BCR: variants seen among roughly 807,000 people sequenced by gnomAD.
BCR encodes the protein BCR activator of RhoGEF and GTPase.
BCR carries 58 observed loss-of-function variants against 138.6 expected under a neutral mutation model. That is an observed-to-expected ratio of 0.42 (90% CI 0.34 to 0.52). The LOEUF (loss-of-function observed/expected upper bound fraction) is 0.52, where lower values mean the gene tolerates loss of function less well. Among genes scored for constraint, BCR ranks in the 20% least tolerant of loss-of-function variants. The pLI is 0.06. For synonymous variants in BCR, 786 were observed against 730.1 expected, an observed-to-expected ratio of 1.08 and a Z score of -1.23; for missense variants, 1,599 against 1,727.2, an observed-to-expected ratio of 0.93 and a Z score of 1.32.
In BCR at chr22:23,285,193, A is replaced by G. The variant is rs766833739; in HGVS notation, c.2398A>G (p.Arg800Gly). 2 of 1,612,340 alleles carry G rather than the reference A, an allele frequency of 1.2e-6. No homozygotes were observed. Among genetic ancestry groups the G allele is most frequent in the Admixed American group, 3.3e-5 (2 of 59,880 alleles). Residue 800 changes from arginine (R) to glycine (G), a missense_variant, in exon 10 of 23, where the codon AGA becomes GGA. This residue lies in a region of BCR where 590 missense variants were observed against 762.4 expected (regional missense o/e 0.77). Transcript: ENST00000305877. Reference protein sequence around the residue: ...KISQIKNDIQREKRANKGSKA... With the variant: ...KISQIKNDIQGEKRANKGSKA... ...CTCCCAGATCAAGAATGACATCCAG[A>G]GAGAGAAGGTGCACACCAGGGGAGC...
chr22:23,289,431 G>T lies in BCR; in HGVS notation c.2603-86G>T, dbSNP rs189069567. 76 of 1,152,912 alleles carry T rather than the reference G, an allele frequency of 6.6e-5. No homozygotes were observed. In the East Asian group the frequency reaches 1.6e-3, roughly 24 times the overall value. The allele number at this position is 1,152,912 out of a possible 1,614,324, so 71.4% of individuals were successfully genotyped here. A position where few individuals can be genotyped will look rare whatever the true frequency, so the allele number is the denominator to read the frequency against. On this transcript the variant is annotated intron_variant, in intron 12 of 22. Coordinates refer to ENST00000305877, the MANE Select transcript of BCR (RefSeq NM_004327.4). ...CAGTTCTTGCCGTGCCCCTTCCCCA[G>T]GGTGTGTGGTGGAGGTCCAGTGGGA... is the stretch of plus-strand genomic sequence containing the variant.
At chr22:23,187,485 T>TTCTC (rs112466422) in intron 1 of BCR, among the ~76,000 whole-genome samples, 55 of 145,644 alleles carry the variant, frequency 3.8e-4, no homozygotes, top group African/African-American at 1.4e-3. Context: ...CTCCTTCTCT[T>TTCTC]TCTCTCTCTC....
At chr22:23,229,841 G>A (rs2072935256) in intron 1 of BCR, among the ~76,000 whole-genome samples, 1 of 152,172 alleles carries the variant, frequency 6.6e-6, no homozygotes, top group Admixed American at 6.5e-5. Context: ...AAGGGGGCAG[G>A]GGCTTCACCT....
chr22:23,284,892 G>A, intron 9 of BCR, 141 bp from the exon 10 acceptor site: 1 of 909,354 alleles, frequency 1.1e-6, no homozygotes, highest in Non-Finnish European at 1.7e-6. Flanking sequence ...ATCCCAGTCT[G>A]TCCCATGGAA....
chr22:23,185,557 C>A (rs911971444), intron 1 of BCR, among the ~76,000 whole-genome samples: 1 of 151,208 alleles, frequency 6.6e-6, no homozygotes, highest in Non-Finnish European at 1.5e-5. Context: ...CCCAGCTACT[C>A]GGGAGGCTGA....
At chr22:23,234,882 G>A (rs2073005329) in intron 1 of BCR, among the ~76,000 whole-genome samples, 1 of 143,884 alleles carries the variant, frequency 7.0e-6, no homozygotes, top group Non-Finnish European at 1.6e-5. Flanking sequence ...GCCACCCGGA[G>A]CCTACAGGAA....
At chr22:23,245,382 G>T (rs1040378372) in intron 1 of BCR, among the ~76,000 whole-genome samples, 2 of 152,058 alleles carry the variant, frequency 1.3e-5, no homozygotes, top group Non-Finnish European at 2.9e-5. Context: ...GGGCAGCTGC[G>T]GCTTTCCATT....
In BCR at chr22:23,315,038, T is replaced by C. The variant is rs556751371; in HGVS notation, c.3726+324T>C. Among the ~76,000 whole-genome samples the C allele has an allele frequency of 8.0e-4, 122 of 152,326 alleles. 1 individual carries two copies. The highest frequency in any genetic ancestry group is 6.4e-3 in the South Asian group (31 of 4,822). On this transcript the variant is annotated intron_variant, in intron 22 of 22. Transcript: ENST00000305877. ...GTGTTTGAAACCAGTCTGGGCAATG[T>C]GGCAAACCCCATCTCTAGAAAAAAT...
intron 8 of BCR, among the ~76,000 whole-genome samples, chr22:23,282,741 G>A (rs1304671887): frequency 2.0e-5 from 3 of 152,230 alleles, no homozygotes; most frequent in Admixed American, 6.5e-5. Flanking sequence ...GAGACACTGG[G>A]TTTTCACACT....
Position 23,260,931 on chromosome 22 carries a change from C to G in BCR, c.1462-19C>G, listed in dbSNP as rs1329258646. On this transcript the variant is annotated intron_variant, in intron 2 of 22. Coordinates refer to ENST00000305877, the MANE Select transcript of BCR (RefSeq NM_004327.4). Reference sequence around the variant, plus strand: ...CCCTACCACCCTTCCAGGCTGACTTCTGTCTATTTCTCCTGCAGAGTGAGC... The same window carrying G: ...CCCTACCACCCTTCCAGGCTGACTTGTGTCTATTTCTCCTGCAGAGTGAGC... 2 of 1,610,666 alleles carry G rather than the reference C, an allele frequency of 1.2e-6. No homozygotes were observed. Among genetic ancestry groups the G allele is most frequent in the Non-Finnish European group, 1.7e-6 (2 of 1,177,132 alleles).
At chr22:23,263,775 T>C (rs2073401488) in intron 4 of BCR, 1 of 1,419,590 alleles carries the variant, frequency 7.0e-7, no homozygotes, top group South Asian at 1.1e-5. Flanking sequence ...TGTGAGTGGC[T>C]CCAGGGACAG....
At chr22:23,295,369 G>A (rs146760587) in intron 16 of BCR, among the ~76,000 whole-genome samples, 123 of 152,250 alleles carry the variant, frequency 8.1e-4, no homozygotes, top group Middle Eastern at 3.4e-3. Flanking sequence ...TGTCTGTTGC[G>A]TCGGCTCATT....
At chr22:23,192,730 G>C (rs541588305) in intron 1 of BCR, among the ~76,000 whole-genome samples, 2 of 152,242 alleles carry the variant, frequency 1.3e-5, no homozygotes, top group Non-Finnish European at 2.9e-5. Flanking sequence ...CCATCCATCT[G>C]CTTTTCCCAC....
intron 1 of BCR, among the ~76,000 whole-genome samples, chr22:23,223,364 G>C (rs760937961): frequency 5.9e-5 from 9 of 152,212 alleles, no homozygotes; most frequent in Non-Finnish European, 1.0e-4. Context: ...CTGTGTGAGT[G>C]CATGTGCCTG....
At chr22:23,198,007 T>G (rs2072503099) in intron 1 of BCR, among the ~76,000 whole-genome samples, 1 of 151,722 alleles carries the variant, frequency 6.6e-6, no homozygotes, top group Non-Finnish European at 1.5e-5. Context: ...GCGGAGGGTG[T>G]GTGGAGTGGA....
intron 1 of BCR, chr22:23,198,272 A>G: frequency 2.2e-6 from 1 of 448,240 alleles, no homozygotes; most frequent in South Asian, 1.6e-5. Flanking sequence ...CCGAGTGTCC[A>G]CCGTCGGCCT....
chr22:23,253,995 T>C lies in BCR; in HGVS notation c.1461+15T>C. 6.2e-7 allele frequency: 1 copy of C among 1,600,118 alleles called. No homozygotes were observed. The highest frequency in any genetic ancestry group is 1.1e-5 in the South Asian group (1 of 89,906). On this transcript the variant is annotated intron_variant, in intron 2 of 22. Transcript: ENST00000305877. ...CCACTAAAGCGGTGAGTCCCCATGG[T>C]GTACGTGTGGCAGGAGGGCCAGGTG...
intron 10 of BCR, among the ~76,000 whole-genome samples, chr22:23,286,052 A>C (rs908302050): frequency 6.6e-6 from 1 of 152,200 alleles, no homozygotes; most frequent in Non-Finnish European, 1.5e-5. Context: ...ACATGGGTGA[A>C]GTACTGAGTC....
At chr22:23,309,507 G>T (rs1435651408) in intron 17 of BCR, 24 bp downstream of exon 17, 1 of 1,575,036 alleles carries the variant, frequency 6.3e-7, no homozygotes, top group Non-Finnish European at 8.6e-7. Context: ...GGACTCTCCT[G>T]GTGCCCACTT....
Sources: gnomAD v4.1 joint callset for allele counts (sites outside exome capture counted in the v4.1 genomes callset) on GRCh38, gnomAD v4.1.1 for gene constraint, gnomAD v4.1.1 regional missense constraint, MANE v1.5 for transcripts, NCBI Gene and HGNC (gene_info 2026-07-23, HGNC 2026-07-21) for gene names.